SCARB1: variants seen among roughly 807,000 people sequenced by gnomAD.
SCARB1 encodes scavenger receptor class B member 1.
In SCARB1, 30 loss-of-function variants were observed where a neutral mutation model predicts 57.2. The observed-to-expected ratio is 0.52, with a 90% CI of 0.39 to 0.71. SCARB1 has a LOEUF of 0.71. Ranked by LOEUF, SCARB1 falls within the 30% of genes least tolerant of loss-of-function variation. The pLI, the probability that SCARB1 is intolerant of heterozygous loss-of-function variation, is 0.00. For synonymous variants in SCARB1, 249 were observed against 268.3 expected, an observed-to-expected ratio of 0.93 and a Z score of 0.70; for missense variants, 543 against 671.2, an observed-to-expected ratio of 0.81 and a Z score of 2.11.
chr12:124,797,846 G>A (rs576618392), intron 8 of SCARB1, among the ~76,000 whole-genome samples: 9 of 152,336 alleles, frequency 5.9e-5, no homozygotes, highest in South Asian at 2.1e-4. Context: ...AACAGCATCC[G>A]CCATGGAGCT....
At chr12:124,825,161 G>T (rs1951092804) in intron 1 of SCARB1, among the ~76,000 whole-genome samples, 1 of 149,740 alleles carries the variant, frequency 6.7e-6, no homozygotes, top group African/African-American at 2.5e-5. Context: ...GGAGGCGGAG[G>T]TTGCAGCGAG....
At chr12:124,828,521 C>T (rs1393389817) in intron 1 of SCARB1, among the ~76,000 whole-genome samples, 1 of 152,220 alleles carries the variant, frequency 6.6e-6, no homozygotes, top group Non-Finnish European at 1.5e-5. Flanking sequence ...GCAGAATCGT[C>T]TGGACGATCT....
At chr12:124,824,011 AATAT>A (rs1158152020) in intron 1 of SCARB1, among the ~76,000 whole-genome samples, 39 of 149,352 alleles carry the variant, frequency 2.6e-4, no homozygotes, top group African/African-American at 9.1e-4. Context: ...TTAAAAAAAA[AATAT>A]ATACAAAAAT....
chr12:124,834,717 C>T (rs1951559677), intron 1 of SCARB1, among the ~76,000 whole-genome samples: 1 of 152,150 alleles, frequency 6.6e-6, no homozygotes. Context: ...ACAGTCTGGG[C>T]AACATAGCAA....
chr12:124,805,725 A>ATTTTTTTTTTTTT (rs755476758), intron 7 of SCARB1, among the ~76,000 whole-genome samples: 1 of 79,570 alleles, frequency 1.3e-5, no homozygotes. Flanking sequence ...TGCCTAGCTA[A>ATTTTTTTTTTTTT]TTTTTTTTTT....
intron 9 of SCARB1, among the ~76,000 whole-genome samples, chr12:124,794,779 A>G (rs1949881730): frequency 6.6e-6 from 1 of 152,024 alleles, no homozygotes; most frequent in Admixed American, 6.5e-5. Flanking sequence ...AAAAATACCA[A>G]ATTAGCCGGG....
intron 1 of SCARB1, among the ~76,000 whole-genome samples, chr12:124,833,993 C>T (rs1418775770): frequency 6.6e-6 from 1 of 152,244 alleles, no homozygotes; most frequent in Non-Finnish European, 1.5e-5. Flanking sequence ...GGGCTGCGGA[C>T]GTGCCCGTGC....
At chr12:124,793,396 G>A (rs957774243) in intron 9 of SCARB1, among the ~76,000 whole-genome samples, 2 of 134,176 alleles carry the variant, frequency 1.5e-5, no homozygotes, top group East Asian at 2.2e-4. Flanking sequence ...CTGCACTGCT[G>A]CTAAGAATGG....
intron 1 of SCARB1, among the ~76,000 whole-genome samples, chr12:124,838,275 T>C (rs985597352): frequency 2.0e-5 from 3 of 152,242 alleles, no homozygotes; most frequent in Admixed American, 6.5e-5. Flanking sequence ...GACCTAGTTC[T>C]GGCCTCGGCT....
At chr12:124,785,977 CCT>C in intron 11 of SCARB1, 3 of 1,288,602 alleles carry the variant, frequency 2.3e-6, no homozygotes, top group East Asian at 2.6e-5. Flanking sequence ...CCTCAATCCC[CCT>C]GAGCAGGGAT....
chr12:124,837,534 G>GAAAGAAAAGAAAAGA (rs1183802916), intron 1 of SCARB1, among the ~76,000 whole-genome samples: 323 of 79,406 alleles, frequency 4.1e-3, no homozygotes, highest in African/African-American at 0.017. Flanking sequence ...GAAAGAAAAA[G>GAAAGAAAAGAAAAGA]AAAGAAAAGA....
intron 9 of SCARB1, among the ~76,000 whole-genome samples, chr12:124,794,957 A>C (rs759696483): frequency 1.3e-4 from 19 of 149,678 alleles, no homozygotes; most frequent in Middle Eastern, 3.4e-3. Context: ...AAAACAAAAA[A>C]GAGAAAGAAA....
intron 1 of SCARB1, among the ~76,000 whole-genome samples, chr12:124,832,002 AC>A (rs1704848278): frequency 1.3e-5 from 2 of 152,316 alleles, no homozygotes; most frequent in South Asian, 4.2e-4. Flanking sequence ...TGAGGGACAA[AC>A]GCAATGTGGG....
intron 1 of SCARB1, among the ~76,000 whole-genome samples, chr12:124,835,091 G>A (rs552514256): frequency 1.6e-4 from 25 of 152,174 alleles, no homozygotes; most frequent in South Asian, 1.2e-3. Context: ...ATGAAGTGCC[G>A]TGGCTATACT....
chr12:124,844,817 C>CT (rs771987604), intron 1 of SCARB1, among the ~76,000 whole-genome samples: 9,986 of 140,976 alleles, frequency 0.071, 1,267 homozygotes, highest in African/African-American at 0.25. Context: ...TTCTTTCTTT[C>CT]TTTTTTTTTT....
rs1035836206 is a variant in SCARB1 at position 124,778,253 on chromosome 12, G to A, written c.*334C>T. 1.0e-4 allele frequency: 43 copies of A among 414,832 alleles called. No homozygotes were observed. Among genetic ancestry groups the A allele is most frequent in the Non-Finnish European group, 1.6e-4 (39 of 243,386 alleles). The allele number at this position is 414,832 out of a possible 1,614,324, so 25.7% of individuals were successfully genotyped here. A position where few individuals can be genotyped will look rare whatever the true frequency, so the allele number is the denominator to read the frequency against. Reference sequence around the variant, plus strand: ...TGAACGGGACAGGCCAGGCTCACCCGAGGAAGGGGACGCAGGACCCACAGC... The same window carrying A: ...TGAACGGGACAGGCCAGGCTCACCCAAGGAAGGGGACGCAGGACCCACAGC... On this transcript the variant is annotated 3_prime_UTR_variant, in exon 13 of 13. Transcript: ENST00000261693.
intron 1 of SCARB1, among the ~76,000 whole-genome samples, chr12:124,823,013 C>T (rs763610408): frequency 6.6e-6 from 1 of 152,128 alleles, no homozygotes. Context: ...AAATATAATG[C>T]AATCATGTTG....
At position 124,814,942 on chromosome 12, in the gene SCARB1, C is replaced by G; in HGVS notation, c.426+31G>C. The G allele has an allele frequency of 1.9e-6, 3 of 1,613,456 alleles. No homozygotes were observed. Among genetic ancestry groups the G allele is most frequent in the Non-Finnish European group, 2.5e-6 (3 of 1,179,776 alleles). The stretch of plus-strand genomic sequence containing the variant: ...AGAGACAGGGGACGAGGTCAGGGTG[C>G]GAGGCGGCGTGGGCCACAGGGCAGC... On this transcript the variant is annotated intron_variant, in intron 3 of 12. Transcript: ENST00000261693. The surrounding 1 kb of genome is among the most constrained non-coding windows in gnomAD (Gnocchi z 4.7).
rs1225915278 is a variant in SCARB1, at chr12:124,814,807, C to T, written c.426+166G>A. Among the ~76,000 whole-genome samples, 1 of 152,224 alleles carries T rather than the reference C, an allele frequency of 6.6e-6. No individual in the cohort carries two copies. Among genetic ancestry groups the T allele is most frequent in the Non-Finnish European group, 1.5e-5 (1 of 68,038 alleles). ...TGGACCCACCTGGGAAACTCAGAACCCACTGGGGGTGGTGGAGACAGCACA... is the reference window on the plus strand; with the variant it reads ...TGGACCCACCTGGGAAACTCAGAACTCACTGGGGGTGGTGGAGACAGCACA... On this transcript the variant is annotated intron_variant, in intron 3 of 12. Coordinates refer to ENST00000261693, the MANE Select transcript of SCARB1 (RefSeq NM_005505.5). The surrounding 1 kb of genome is among the most constrained non-coding windows in gnomAD (Gnocchi z 4.7).
Sources: gnomAD v4.1 joint callset for allele counts (sites outside exome capture counted in the v4.1 genomes callset) on GRCh38, gnomAD v4.1.1 for gene constraint, Gnocchi (gnomAD v3.1) non-coding constraint, MANE v1.5 for transcripts, NCBI Gene and HGNC (gene_info 2026-07-23, HGNC 2026-07-21) for gene names.